PALLD: variants seen among roughly 807,000 people sequenced by gnomAD.
The protein encoded by PALLD is palladin.
A neutral mutation model predicts 123.5 loss-of-function variants in PALLD; 61 were observed. The ratio of observed to expected loss-of-function variants is 0.49; its 90% CI spans 0.40 to 0.61. The LOEUF is 0.61. Among genes scored for constraint, PALLD ranks in the 20% least tolerant of loss-of-function variants. The pLI, the probability that PALLD is intolerant of heterozygous loss-of-function variation, is 0.00. For missense variants in PALLD, 1,273 were observed against 1,377.0 expected, an observed-to-expected ratio of 0.92 and a Z score of 1.20; for synonymous variants, 465 against 496.4, an observed-to-expected ratio of 0.94 and a Z score of 0.84.
At chr4:168,836,644 C>T (rs1177621136) in intron 10 of PALLD, among the ~76,000 whole-genome samples, 1 of 152,194 alleles carries the variant, frequency 6.6e-6, no homozygotes, top group African/African-American at 2.4e-5. Context: ...AGATGAAGTA[C>T]TGCTGGAGCG....
At position 168,878,343 on chromosome 4, in the gene PALLD, C is replaced by A; in HGVS notation, c.1965-12579C>A. The A allele has an allele frequency of 1.3e-6, 2 of 1,520,174 alleles. No individual in the cohort carries two copies. Among genetic ancestry groups the A allele is most frequent in the South Asian group, 2.4e-5 (2 of 82,206 alleles). The allele number at this position is 1,520,174 out of a possible 1,614,324, so 94.2% of individuals were successfully genotyped here. On this transcript the variant is annotated intron_variant, in intron 10 of 21. Coordinates refer to ENST00000505667, the MANE Select transcript of PALLD (RefSeq NM_001166108.2). ...CTCAGCGCTCTGCTGCCCTCGCAGCCGCCGCCGGCGGCCGTCAACGCCCTG... is the reference window on the plus strand; with the variant it reads ...CTCAGCGCTCTGCTGCCCTCGCAGCAGCCGCCGGCGGCCGTCAACGCCCTG...
chr4:168,558,154 GGCTACT>G (rs1767514635), intron 2 of PALLD, among the ~76,000 whole-genome samples: 1 of 151,978 alleles, frequency 6.6e-6, no homozygotes, highest in Non-Finnish European at 1.5e-5. Flanking sequence ...CACCCCTACG[GGCTACT>G]GTGTTGTACC....
chr4:168,625,528 G>GATA (rs1775181539), intron 2 of PALLD, among the ~76,000 whole-genome samples: 1 of 27,296 alleles, frequency 3.7e-5, no homozygotes, highest in Non-Finnish European at 1.1e-4. Flanking sequence ...TCCTATAAGG[G>GATA]GTTAATATTC....
At chr4:168,868,647 T>G (rs1283194653) in intron 10 of PALLD, among the ~76,000 whole-genome samples, 1 of 152,164 alleles carries the variant, frequency 6.6e-6, no homozygotes, top group East Asian at 1.9e-4. Context: ...CATCAGTGCT[T>G]TAGCTTCTAG....
chr4:168,523,685 T>C (rs1763787469), intron 2 of PALLD, among the ~76,000 whole-genome samples: 1 of 152,148 alleles, frequency 6.6e-6, no homozygotes, highest in African/African-American at 2.4e-5. Context: ...CCAGGGGCCT[T>C]GTTATCCCCT....
intron 2 of PALLD, among the ~76,000 whole-genome samples, chr4:168,572,349 G>A (rs961297283): frequency 5.3e-5 from 8 of 152,122 alleles, no homozygotes; most frequent in Admixed American, 2.6e-4. Context: ...TGCCAGATAC[G>A]GAAACTAAGG....
At chr4:168,646,540 C>T (rs1777474696) in intron 2 of PALLD, among the ~76,000 whole-genome samples, 1 of 152,188 alleles carries the variant, frequency 6.6e-6, no homozygotes, top group Non-Finnish European at 1.5e-5. Context: ...CAATCCTAAC[C>T]CTCAAATGAA....
At chr4:168,537,172 T>C (rs939019508) in intron 2 of PALLD, among the ~76,000 whole-genome samples, 3 of 152,184 alleles carry the variant, frequency 2.0e-5, no homozygotes, top group Admixed American at 6.5e-5. Context: ...TTACTACAGA[T>C]ACATTTCTAA....
chr4:168,651,875 A>G (rs1052345069), intron 2 of PALLD, among the ~76,000 whole-genome samples: 13 of 152,222 alleles, frequency 8.5e-5, no homozygotes, highest in Admixed American at 5.2e-4. Flanking sequence ...TTGTTTTTGA[A>G]CAAAAGTGAA....
intron 2 of PALLD, among the ~76,000 whole-genome samples, chr4:168,526,699 C>T (rs1764083631): frequency 6.6e-6 from 1 of 152,154 alleles, no homozygotes; most frequent in African/African-American, 2.4e-5. Context: ...TTAGAAATTA[C>T]CCAAGGCTCT....
chr4:168,771,648 T>C (rs1734459269), intron 10 of PALLD, among the ~76,000 whole-genome samples: 1 of 152,148 alleles, frequency 6.6e-6, no homozygotes, highest in South Asian at 2.1e-4. Flanking sequence ...TAACTCTGGG[T>C]GCCCACACCA....
chr4:168,748,365 C>G (rs1353921121), intron 10 of PALLD, among the ~76,000 whole-genome samples: 3 of 152,198 alleles, frequency 2.0e-5, no homozygotes, highest in African/African-American at 7.2e-5. Flanking sequence ...TTTCTAACCA[C>G]TGGTACAGAC....
intron 17 of PALLD, among the ~76,000 whole-genome samples, chr4:168,917,964 G>T (rs1341650393): frequency 1.3e-5 from 2 of 152,076 alleles, no homozygotes; most frequent in Non-Finnish European, 2.9e-5. Context: ...ACTTTGGGAG[G>T]CTGAGGCGGG....
intron 14 of PALLD, among the ~76,000 whole-genome samples, chr4:168,900,883 A>G (rs1756366377): frequency 6.6e-6 from 1 of 152,228 alleles, no homozygotes; most frequent in Non-Finnish European, 1.5e-5. Flanking sequence ...AACTTCCAAG[A>G]TATTCACAAG....
intron 13 of PALLD, among the ~76,000 whole-genome samples, chr4:168,897,198 G>A (rs1755396097): frequency 6.6e-6 from 1 of 152,050 alleles, no homozygotes; most frequent in East Asian, 1.9e-4. Context: ...TTTTTCATTT[G>A]TTATATATAC....
At chr4:168,922,331 A>G (rs1761748248) in intron 18 of PALLD, among the ~76,000 whole-genome samples, 1 of 152,198 alleles carries the variant, frequency 6.6e-6, no homozygotes, top group African/African-American at 2.4e-5. Context: ...CTTAAGAGTT[A>G]GGTGTTGAGT....
intron 10 of PALLD, among the ~76,000 whole-genome samples, chr4:168,889,339 T>C (rs1209165460): frequency 6.6e-6 from 1 of 151,884 alleles, no homozygotes; most frequent in South Asian, 2.1e-4. Context: ...AATTTTTGTA[T>C]TTTTAGTAGA....
intron 2 of PALLD, among the ~76,000 whole-genome samples, chr4:168,570,516 T>C (rs1768870434): frequency 1.3e-5 from 2 of 152,182 alleles, no homozygotes; most frequent in South Asian, 4.1e-4. Context: ...AAAACCAAAA[T>C]GCTCTGTGGA....
intron 8 of PALLD, among the ~76,000 whole-genome samples, chr4:168,706,382 A>G (rs1784233757): frequency 6.6e-6 from 1 of 152,196 alleles, no homozygotes; most frequent in Non-Finnish European, 1.5e-5. Context: ...CAAACATCAA[A>G]TTGAATAATA....
Sources: allele counts gnomAD v4.1 joint callset (sites outside exome capture counted in the v4.1 genomes callset), GRCh38; gene constraint gnomAD v4.1.1; transcripts MANE v1.5; gene names NCBI Gene and HGNC (gene_info 2026-07-23, HGNC 2026-07-21).